ISY1: variants seen among roughly 807,000 people sequenced by gnomAD.
The protein encoded by ISY1 is ISY1 spliceosome associated protein, also known as pre-mRNA-splicing factor ISY1 homolog.
In ISY1, 12 loss-of-function variants were observed where a neutral mutation model predicts 54.4. The ratio of observed to expected loss-of-function variants is 0.22; its 90% confidence interval spans 0.14 to 0.36. ISY1 has a LOEUF of 0.36. ISY1 is among the 10% of genes least tolerant of loss of function. The probability of loss-of-function intolerance (pLI) is 1.00; values close to 1 mark genes in which losing one functional copy is unlikely to be tolerated. For missense variants in ISY1, 282 were observed against 342.2 expected, an observed-to-expected ratio of 0.82 and a Z score of 1.39; for synonymous variants, 96 against 117.9, an observed-to-expected ratio of 0.81 and a Z score of 1.20.
At chr3:129,149,095 T>A (rs1431722586) in intron 5 of ISY1, among the ~76,000 whole-genome samples, 1 of 152,004 alleles carries the variant, frequency 6.6e-6, no homozygotes, top group Non-Finnish European at 1.5e-5. Context: ...AAGTCCAGCC[T>A]GGGCAACATA....
rs145612353 is a variant in ISY1, at chr3:129,132,202, C to T, written c.664-1566G>A. Among the ~76,000 whole-genome samples the T allele has an allele frequency of 2.2e-3, 335 of 152,270 alleles. 4 individuals are homozygous for T. The highest frequency in any genetic ancestry group is 6.8e-3 in the Middle Eastern group (2 of 294). Reference sequence around the variant, plus strand: ...GAGACAAATGACACAGAACTCCACACACTCAATATGCCAATGTCAACCTCC... The same window carrying T: ...GAGACAAATGACACAGAACTCCACATACTCAATATGCCAATGTCAACCTCC... On this transcript the variant is annotated intron_variant, in intron 9 of 10. Coordinates refer to ENST00000393295, the MANE Select transcript of ISY1 (RefSeq NM_020701.4).
intron 5 of ISY1, among the ~76,000 whole-genome samples, chr3:129,151,172 AAT>A (rs1367506230): frequency 6.8e-6 from 1 of 147,552 alleles, no homozygotes; most frequent in South Asian, 2.1e-4. Flanking sequence ...AATATATAAA[AAT>A]ATATATAAAT....
At chr3:129,139,878 G>A (rs1393364331) in intron 7 of ISY1, among the ~76,000 whole-genome samples, 1 of 152,128 alleles carries the variant, frequency 6.6e-6, no homozygotes, top group Non-Finnish European at 1.5e-5. Flanking sequence ...CCTACCTCAG[G>A]TGATCCGCCC....
rs199624798 is a variant in ISY1, at chr3:129,146,206, AC to A, written c.188-334del. ...ACAAGCTCTTAAGAGAGATGGGGAAACAGCAACTAAGGCCAGCAAAGACACA... is the reference window on the plus strand; with the variant it reads ...ACAAGCTCTTAAGAGAGATGGGGAAAAGCAACTAAGGCCAGCAAAGACACA... On this transcript the variant is annotated intron_variant, in intron 5 of 10. Coordinates refer to ENST00000393295, the MANE Select transcript of ISY1 (RefSeq NM_020701.4). 5.2e-3 allele frequency among the ~76,000 whole-genome samples: 790 copies of A among 152,322 alleles called. 3 individuals carry two copies. Among genetic ancestry groups the A allele is most frequent in the African/African-American group, 0.018 (746 of 41,572 alleles).
intron 9 of ISY1, among the ~76,000 whole-genome samples, chr3:129,133,043 C>G (rs1936279141): frequency 6.6e-6 from 1 of 152,182 alleles, no homozygotes; most frequent in African/African-American, 2.4e-5. Flanking sequence ...CCACCTAGAC[C>G]TGTGCAGGCA....
intron 3 of ISY1, among the ~76,000 whole-genome samples, chr3:129,157,591 T>C (rs887322425): frequency 1.3e-5 from 2 of 151,812 alleles, no homozygotes; most frequent in African/African-American, 4.8e-5. Context: ...TGTGGTGATA[T>C]GTGCCTGTAA....
intron 6 of ISY1, among the ~76,000 whole-genome samples, chr3:129,144,593 T>C (rs1486012237): frequency 6.6e-6 from 1 of 152,234 alleles, no homozygotes; most frequent in East Asian, 1.9e-4. Flanking sequence ...GACCCATTAG[T>C]GCATCATGAA....
chr3:129,149,068 A>C (rs1450140895), intron 5 of ISY1, among the ~76,000 whole-genome samples: 1 of 152,140 alleles, frequency 6.6e-6, no homozygotes, highest in African/African-American at 2.4e-5. Context: ...TGGGAGACAC[A>C]GACAGGAAGA....
chr3:129,138,837 A>C (rs1001581796), intron 7 of ISY1, among the ~76,000 whole-genome samples: 9 of 151,900 alleles, frequency 5.9e-5, no homozygotes, highest in African/African-American at 2.2e-4. Flanking sequence ...AGAAAGAAAG[A>C]AAGAAAGAAA....
chr3:129,138,134 C>T (rs1267749529), intron 7 of ISY1, among the ~76,000 whole-genome samples: 6 of 146,300 alleles, frequency 4.1e-5, no homozygotes, highest in Non-Finnish European at 9.0e-5. Flanking sequence ...AAAACTTTGC[C>T]GGGCATGGTG....
In ISY1 at chr3:129,133,239, T is replaced by C. The variant is rs556751620; in HGVS notation, c.663+835A>G. Among the ~76,000 whole-genome samples, 6 of 152,302 alleles carry C rather than the reference T, an allele frequency of 3.9e-5. No homozygotes were observed. The East Asian group carries it at 1.2e-3, about 29-fold the overall frequency. On this transcript the variant is annotated intron_variant, in intron 9 of 10. Transcript: ENST00000393295. The stretch of plus-strand genomic sequence containing the variant: ...AAGATTACTTACATGGTGGCTATAA[T>C]AAAAAGTAATAACTAAGATATATAA...
At position 129,161,004 on chromosome 3, in the gene ISY1, C is replaced by T; in HGVS notation, c.-29G>A. 5.2e-6 allele frequency: 8 copies of T among 1,536,826 alleles called. No individual in the cohort carries two copies. Among genetic ancestry groups the T allele is most frequent in the Admixed American group, 2.0e-5 (1 of 50,266 alleles). On this transcript the variant is annotated 5_prime_UTR_variant, in exon 1 of 11. Coordinates refer to ENST00000393295, the MANE Select transcript of ISY1 (RefSeq NM_020701.4). ...GTCGCTAAGGGCGCCGTCCTGGAGCCCCGCGGCCCCTGTCCAAGAAACTCC... is the reference window on the plus strand; with the variant it reads ...GTCGCTAAGGGCGCCGTCCTGGAGCTCCGCGGCCCCTGTCCAAGAAACTCC...
At chr3:129,135,833 G>A (rs13069499) in intron 7 of ISY1, among the ~76,000 whole-genome samples, 4 of 151,714 alleles carry the variant, frequency 2.6e-5, no homozygotes, top group Non-Finnish European at 5.9e-5. Context: ...ATGCATCACA[G>A]TATTATTTAT....
chr3:129,138,340 A>C (rs546853302), intron 7 of ISY1, among the ~76,000 whole-genome samples: 14 of 151,488 alleles, frequency 9.2e-5, no homozygotes, highest in Admixed American at 3.3e-4. Context: ...GTCTCTACTA[A>C]AAATACAAAT....
At chr3:129,143,515 A>C (rs1028805200) in intron 6 of ISY1, among the ~76,000 whole-genome samples, 9 of 151,654 alleles carry the variant, frequency 5.9e-5, no homozygotes, top group Non-Finnish European at 1.0e-4. Flanking sequence ...CAAAAAAAAA[A>C]AAAAAACTAA....
intron 7 of ISY1, among the ~76,000 whole-genome samples, 163 bp downstream of exon 7, chr3:129,140,205 T>A (rs1290638461): frequency 6.6e-6 from 1 of 152,224 alleles, no homozygotes; most frequent in Non-Finnish European, 1.5e-5. Flanking sequence ...TATGATTCTA[T>A]CCCAGTTCTT....
chr3:129,160,068 C>CA (rs1221308772), intron 1 of ISY1, among the ~76,000 whole-genome samples: 1 of 151,922 alleles, frequency 6.6e-6, no homozygotes, highest in Non-Finnish European at 1.5e-5. Context: ...CTCTGTCGCC[C>CA]AGGCTGGAGT....
chr3:129,157,372 G>A (rs974454899), intron 3 of ISY1, among the ~76,000 whole-genome samples: 1 of 152,062 alleles, frequency 6.6e-6, no homozygotes, highest in Non-Finnish European at 1.5e-5. Context: ...GCTTACAGCT[G>A]TTCTCCACAT....
At chr3:129,148,401 T>C (rs1211334127) in intron 5 of ISY1, among the ~76,000 whole-genome samples, 2 of 152,218 alleles carry the variant, frequency 1.3e-5, no homozygotes, top group African/African-American at 4.8e-5. Context: ...GCCTCCTCAC[T>C]AGCAGTGCAT....
Sources: gnomAD v4.1 joint callset for allele counts (sites outside exome capture counted in the v4.1 genomes callset) on GRCh38, gnomAD v4.1.1 for gene constraint, MANE v1.5 for transcripts, NCBI Gene and HGNC (gene_info 2026-07-23, HGNC 2026-07-21) for gene names.